SLC1A1: variants seen among roughly 807,000 people sequenced by gnomAD.
SLC1A1 encodes solute carrier family 1 member 1, also known as excitatory amino acid transporter 3.
In SLC1A1, 43 loss-of-function variants were observed where a neutral mutation model predicts 53.3. The ratio of observed to expected loss-of-function variants is 0.81; its 90% CI spans 0.63 to 1.04. The LOEUF (loss-of-function observed/expected upper bound fraction) is 1.04, where lower values mean the gene tolerates loss of function less well. SLC1A1 is among the 50% of genes least tolerant of loss of function. SLC1A1 has a pLI of 0.00. For missense variants in SLC1A1, 748 were observed against 664.9 expected (o/e 1.12, Z -1.37); for synonymous variants, 307 against 243.2 (o/e 1.26, Z -2.44).
intron 1 of SLC1A1, among the ~76,000 whole-genome samples, chr9:4,529,252 G>C (rs143459768): frequency 6.6e-6 from 1 of 152,116 alleles, no homozygotes; most frequent in Non-Finnish European, 1.5e-5. Context: ...TTAGCTTGGC[G>C]TATGGGATCC....
intron 2 of SLC1A1, among the ~76,000 whole-genome samples, chr9:4,545,281 A>G (rs185792947): frequency 6.0e-5 from 9 of 150,412 alleles, no homozygotes; most frequent in Non-Finnish European, 1.0e-4. Context: ...TGTTCTCAAC[A>G]TGGCATTGCT....
At chr9:4,502,056 G>C (rs1201643287) in intron 1 of SLC1A1, among the ~76,000 whole-genome samples, 6 of 151,464 alleles carry the variant, frequency 4.0e-5, no homozygotes, top group Non-Finnish European at 4.4e-5. Context: ...TCAAAGACTT[G>C]TTTTCTGAGC....
intron 1 of SLC1A1, among the ~76,000 whole-genome samples, chr9:4,531,028 C>A (rs1031152650): frequency 2.0e-5 from 3 of 152,202 alleles, no homozygotes; most frequent in African/African-American, 7.2e-5. Flanking sequence ...TCCATCCAAA[C>A]AGCCAAAGTT....
intron 1 of SLC1A1, among the ~76,000 whole-genome samples, chr9:4,502,887 C>G (rs1235991940): frequency 1.3e-5 from 2 of 151,626 alleles, no homozygotes; most frequent in Admixed American, 1.3e-4. Flanking sequence ...GTGGTTAGTC[C>G]TTTCCGCTAC....
In SLC1A1 at chr9:4,585,365, T is replaced by C; in HGVS notation, c.1382T>C (p.Ile461Thr). The part of the protein sequence containing the change: ...NVLGDAFGTG[I>T]VEKLSKKELE... ...CTTGGTGATGCTTTTGGGACGGGCATTGTGGAAAAGCTCTCCAAGAAGGAG... is the reference window on the plus strand; with the variant it reads ...CTTGGTGATGCTTTTGGGACGGGCACTGTGGAAAAGCTCTCCAAGAAGGAG... Residue 461 changes from isoleucine (I) to threonine (T), a missense_variant, in exon 12 of 12, where the codon ATT becomes ACT. By Grantham distance (89) the Ile-to-Thr change is moderately conservative. Transcript: ENST00000262352. 1 of 1,614,166 alleles carries C rather than the reference T, an allele frequency of 6.2e-7. No individual in the cohort carries two copies. Among genetic ancestry groups the C allele is most frequent in the South Asian group, 1.1e-5 (1 of 91,086 alleles).
intron 1 of SLC1A1, among the ~76,000 whole-genome samples, chr9:4,494,348 G>A (rs1820338567): frequency 6.6e-6 from 1 of 152,046 alleles, no homozygotes; most frequent in South Asian, 2.1e-4. Context: ...TCAGTTGTGT[G>A]GCTGGCATAT....
At chr9:4,565,988 G>C (rs535336916) in intron 4 of SLC1A1, 59 bp from the exon 5 acceptor site, 8 of 1,242,900 alleles carry the variant, frequency 6.4e-6, no homozygotes, top group Non-Finnish European at 9.5e-6. Flanking sequence ...CAATATATTA[G>C]GTATGACAAA....
intron 1 of SLC1A1, among the ~76,000 whole-genome samples, chr9:4,524,141 G>T (rs1253503066): frequency 6.6e-6 from 1 of 152,130 alleles, no homozygotes; most frequent in African/African-American, 2.4e-5. Context: ...GTGCATACAT[G>T]GGAATACTTG....
intron 10 of SLC1A1, among the ~76,000 whole-genome samples, chr9:4,579,884 G>T (rs1396639041): frequency 6.6e-6 from 1 of 151,784 alleles, no homozygotes; most frequent in African/African-American, 2.4e-5. Context: ...AATTGTGTGA[G>T]AATATGTGTC....
chr9:4,527,277 A>G (rs1257266514), intron 1 of SLC1A1, among the ~76,000 whole-genome samples: 1 of 152,136 alleles, frequency 6.6e-6, no homozygotes, highest in Non-Finnish European at 1.5e-5. Context: ...GCCTTGTGAG[A>G]CCCTGAGCAG....
At chr9:4,524,438 T>C (rs996018929) in intron 1 of SLC1A1, among the ~76,000 whole-genome samples, 1 of 152,148 alleles carries the variant, frequency 6.6e-6, no homozygotes, top group Non-Finnish European at 1.5e-5. Context: ...ATAAAGGAAA[T>C]GCCCTTGTGC....
intron 1 of SLC1A1, among the ~76,000 whole-genome samples, chr9:4,513,016 A>C (rs1821048284): frequency 6.6e-6 from 1 of 152,210 alleles, no homozygotes; most frequent in South Asian, 2.1e-4. Context: ...ACAACTAGAC[A>C]TCATATGCAG....
At chr9:4,534,104 G>A (rs1816582415) in intron 1 of SLC1A1, among the ~76,000 whole-genome samples, 1 of 152,148 alleles carries the variant, frequency 6.6e-6, no homozygotes, top group Non-Finnish European at 1.5e-5. Flanking sequence ...ACAACAGAAA[G>A]CAGGAAAGAT....
At chr9:4,537,224 A>T (rs1816707918) in intron 1 of SLC1A1, among the ~76,000 whole-genome samples, 1 of 152,102 alleles carries the variant, frequency 6.6e-6, no homozygotes, top group Non-Finnish European at 1.5e-5. Context: ...AATGTGGGGG[A>T]AATGCTTATG....
At chr9:4,532,445 C>A (rs1816509266) in intron 1 of SLC1A1, among the ~76,000 whole-genome samples, 1 of 152,008 alleles carries the variant, frequency 6.6e-6, no homozygotes, top group Admixed American at 6.5e-5. Context: ...ATTCAATCAA[C>A]TGGAATAAAG....
intron 1 of SLC1A1, among the ~76,000 whole-genome samples, chr9:4,523,088 A>G (rs1304830517): frequency 2.0e-5 from 3 of 152,006 alleles, no homozygotes; most frequent in Non-Finnish European, 4.4e-5. Flanking sequence ...CCTCCTCCCC[A>G]TCCCTGTCTT....
rs909737570 is a variant in SLC1A1, at chr9:4,576,107, C to T, written c.982C>T (p.Leu328Phe). ...MGMAQALLTALMISSSSATLP... is the reference protein window; with the variant it reads ...MGMAQALLTAFMISSSSATLP... ...AATGGCCCAGGCTCTCCTGACAGCT[C>T]TCATGATCTCTTCCAGGTAAACAGA... Residue 328 changes from leucine (L) to phenylalanine (F), a missense_variant, in exon 9 of 12, where the codon CTC becomes TTC. Transcript: ENST00000262352. 9.9e-6 allele frequency: 16 copies of T among 1,613,868 alleles called. No homozygotes were observed. Among genetic ancestry groups the T allele is most frequent in the Non-Finnish European group, 1.3e-5 (15 of 1,179,838 alleles).
At chr9:4,541,294 G>A (rs895095173) in intron 1 of SLC1A1, among the ~76,000 whole-genome samples, 1 of 152,224 alleles carries the variant, frequency 6.6e-6, no homozygotes, top group Non-Finnish European at 1.5e-5. Flanking sequence ...AATGGGGTCA[G>A]TGCTTCGAAG....
rs1357727391 is a variant in SLC1A1 at position 4,583,475 on chromosome 9, C to A, written c.1328+303C>A. Among the ~76,000 whole-genome samples the A allele has an allele frequency of 6.6e-6, 1 of 152,126 alleles. No homozygotes were observed. Among genetic ancestry groups the A allele is most frequent in the Admixed American group, 6.6e-5 (1 of 15,264 alleles). Reference sequence around the variant, plus strand: ...AACAAGGTGAGAAGCCAGGCAGGGCCCCAGAGCCATCCTGACCTATCCCAG... The same window carrying A: ...AACAAGGTGAGAAGCCAGGCAGGGCACCAGAGCCATCCTGACCTATCCCAG... On this transcript the variant is annotated intron_variant, in intron 11 of 11. Coordinates refer to ENST00000262352, the MANE Select transcript of SLC1A1 (RefSeq NM_004170.6). The surrounding 1 kb of genome is among the most constrained non-coding windows in gnomAD (Gnocchi z 4.6).
Sources: gnomAD v4.1 joint callset for allele counts (sites outside exome capture counted in the v4.1 genomes callset) on GRCh38, gnomAD v4.1.1 for gene constraint, Gnocchi (gnomAD v3.1) non-coding constraint, MANE v1.5 for transcripts, NCBI Gene and HGNC (gene_info 2026-07-23, HGNC 2026-07-21) for gene names.